The following ECPAS variants were observed in gnomAD, a reference collection of about 807,000 sequenced individuals.
ECPAS encodes the protein Ecm29 proteasome adaptor and scaffold, also known as proteasome adapter and scaffold protein ECM29.
A neutral mutation model predicts 255.1 loss-of-function variants in ECPAS; 70 were observed. The observed-to-expected ratio is 0.27, with a 90% CI of 0.23 to 0.33. The LOEUF (loss-of-function observed/expected upper bound fraction) is 0.33. Among genes scored for constraint, ECPAS ranks in the 10% least tolerant of loss-of-function variants. The pLI is 1.00. For missense variants in ECPAS, 1,817 were observed against 2,206.4 expected, an observed-to-expected ratio of 0.82 and a Z score of 3.54; for synonymous variants, 784 against 775.0, an observed-to-expected ratio of 1.01 and a Z score of -0.19.
intron 13 of ECPAS, among the ~76,000 whole-genome samples, chr9:111,422,584 G>A (rs1171785759): frequency 6.6e-6 from 1 of 152,136 alleles, no homozygotes; most frequent in Non-Finnish European, 1.5e-5. Flanking sequence ...GATCTGGGGT[G>A]GCTTTCTTCC....
At position 111,392,673 on chromosome 9, in the gene ECPAS, C is replaced by T. The variant is rs2098161986; in HGVS notation, c.3092+95G>A. ...TTAGAAAAGGCTTCATAAACCAAAA[C>T]ATGGAAAGCCGAATCTTCCTTCTCC... On this transcript the variant is annotated intron_variant, in intron 28 of 49. Coordinates refer to ENST00000684092, the MANE Select transcript of ECPAS (RefSeq NM_001364929.1). 1.3e-5 allele frequency: 11 copies of T among 824,588 alleles called. No individual in the cohort carries two copies. In the South Asian group the frequency reaches 1.5e-4, roughly 11 times the overall value. 51.1% of individuals were successfully genotyped at this position (824,588 alleles called of 1,614,324 possible).
At chr9:111,426,666 G>C (rs950421380) in intron 10 of ECPAS, among the ~76,000 whole-genome samples, 11 of 150,052 alleles carry the variant, frequency 7.3e-5, no homozygotes, top group Non-Finnish European at 3.0e-5. Context: ...GGCCAGTCTG[G>C]GCAACATAGC....
In ECPAS at chr9:111,369,139, T is replaced by G. The variant is rs766350046; in HGVS notation, c.5009A>C (p.Lys1670Thr). Residue 1670 changes from lysine to threonine, a missense_variant, in exon 46 of 50, where the codon AAA becomes ACA. Coordinates refer to ENST00000684092, the MANE Select transcript of ECPAS (RefSeq NM_001364929.1). ...TTCCTTTTCATTCTCCTCTTCATTT[T>G]TGGTTGTCCGGACCCCACTGCTTTC... Reference protein sequence around the residue: ...SLESSGVRTTKNEEENEKEKE... With the variant: ...SLESSGVRTTTNEEENEKEKE... 6 of 1,606,330 alleles carry G rather than the reference T, an allele frequency of 3.7e-6. No homozygotes were observed. The highest frequency in any genetic ancestry group is 5.1e-6 in the Non-Finnish European group (6 of 1,177,334).
intron 2 of ECPAS, among the ~76,000 whole-genome samples, chr9:111,465,907 C>T (rs935362652): frequency 6.6e-6 from 1 of 151,606 alleles, no homozygotes; most frequent in African/African-American, 2.4e-5. Flanking sequence ...GGTGGTGCGT[C>T]CCTGTAGTGC....
chr9:111,454,558 A>C (rs1179688721), intron 2 of ECPAS, among the ~76,000 whole-genome samples: 1 of 152,134 alleles, frequency 6.6e-6, no homozygotes, highest in Non-Finnish European at 1.5e-5. Flanking sequence ...GGAAAAGGTA[A>C]AGCCTTCTAC....
chr9:111,402,778 T>A (rs1449632496), intron 24 of ECPAS, among the ~76,000 whole-genome samples: 1 of 152,150 alleles, frequency 6.6e-6, no homozygotes, highest in Non-Finnish European at 1.5e-5. Flanking sequence ...TTATATTTTC[T>A]GAACCCCTTA....
intron 47 of ECPAS, 22 bp downstream of exon 47, chr9:111,366,500 A>T: frequency 6.4e-7 from 1 of 1,560,458 alleles, no homozygotes; most frequent in Non-Finnish European, 8.8e-7. Context: ...AAAATAAAAA[A>T]CTGAGCCATG....
In ECPAS at chr9:111,433,342, C is replaced by A. The variant is rs756681214; in HGVS notation, c.739G>T (p.Ala247Ser). ...GCTTCAAGTTCAGGCACCTGTTCAG[C>A]TTCTATGAATTTCACGATTCCCAAT... is the stretch of plus-strand genomic sequence containing the variant. ...CKLGIVKFIEAEQVPELEAVL... is the reference protein window; with the variant it reads ...CKLGIVKFIESEQVPELEAVL... The change falls in exon 8 of 50, where the codon GCT becomes TCT. Residue 247 changes from alanine to serine, a missense_variant. This residue lies in a region of ECPAS where 573 missense variants were observed against 716.2 expected (regional missense o/e 0.80). Coordinates refer to ENST00000684092, the MANE Select transcript of ECPAS (RefSeq NM_001364929.1). 1.9e-6 allele frequency: 3 copies of A among 1,613,988 alleles called. No individual in the cohort carries two copies. In the Admixed American group the frequency reaches 5.0e-5, roughly 27 times the overall value.
intron 1 of ECPAS, among the ~76,000 whole-genome samples, chr9:111,479,277 G>C (rs2098300500): frequency 6.6e-6 from 1 of 152,140 alleles, no homozygotes; most frequent in South Asian, 2.1e-4. Flanking sequence ...GGAGTAATAA[G>C]TACTTAATAC....
chr9:111,421,134 G>A (rs1164217587), intron 15 of ECPAS, among the ~76,000 whole-genome samples: 1 of 152,104 alleles, frequency 6.6e-6, no homozygotes, highest in Non-Finnish European at 1.5e-5. Flanking sequence ...CACACTAAGA[G>A]CACTTGACAA....
At chr9:111,413,738 C>A (rs2098198550) in intron 20 of ECPAS, among the ~76,000 whole-genome samples, 157 bp downstream of exon 20, 1 of 151,916 alleles carries the variant, frequency 6.6e-6, no homozygotes, top group African/African-American at 2.4e-5. Flanking sequence ...GACATAGTGA[C>A]CTACATGCTT....
chr9:111,369,415 T>C (rs902180463), intron 45 of ECPAS, among the ~76,000 whole-genome samples: 12 of 152,196 alleles, frequency 7.9e-5, no homozygotes, highest in Non-Finnish European at 1.5e-4. Context: ...ACTGCATATG[T>C]AGTCTTTTGA....
intron 36 of ECPAS, among the ~76,000 whole-genome samples, chr9:111,377,875 G>C (rs551087737): frequency 6.6e-6 from 1 of 152,136 alleles, no homozygotes; most frequent in Non-Finnish European, 1.5e-5. Context: ...GGCTGGGTGC[G>C]GTGGCTCACG....
At chr9:111,459,026 C>T (rs1356559883) in intron 2 of ECPAS, among the ~76,000 whole-genome samples, 2 of 152,114 alleles carry the variant, frequency 1.3e-5, no homozygotes, top group East Asian at 1.9e-4. Flanking sequence ...GTGAGGGTGG[C>T]TCTGGGATAA....
rs1024932924 is a variant in ECPAS, at chr9:111,437,121, T to G, written c.540-13A>C. On this transcript the variant is annotated splice_polypyrimidine_tract_variant and intron_variant, in intron 6 of 49. Coordinates refer to ENST00000684092, the MANE Select transcript of ECPAS (RefSeq NM_001364929.1). The stretch of plus-strand genomic sequence containing the variant: ...ATTTAACACGTAACTGGAAAGGAAA[T>G]AACACTTTAACCCTCTATAAATACA... 1.9e-6 allele frequency: 3 copies of G among 1,586,146 alleles called. No individual in the cohort carries two copies. In the African/African-American group the frequency reaches 4.1e-5, roughly 22 times the overall value.
At chr9:111,383,931 TTAAAA>T (rs952046332) in intron 34 of ECPAS, among the ~76,000 whole-genome samples, 2 of 150,288 alleles carry the variant, frequency 1.3e-5, no homozygotes, top group African/African-American at 4.9e-5. Flanking sequence ...CAAAAAAAAA[TTAAAA>T]TAAAAAATTA....
chr9:111,372,479 T>G lies in ECPAS; in HGVS notation c.4478A>C (p.Glu1493Ala). 6.2e-7 allele frequency: 1 copy of G among 1,613,932 alleles called. No individual in the cohort carries two copies. Among genetic ancestry groups the G allele is most frequent in the Non-Finnish European group, 8.5e-7 (1 of 1,179,806 alleles). ...GGTCCATAAATTACATTCTTCTTTT[T>G]CGGATTTCTCCTCATCAGCAATTTC... The part of the protein sequence containing the change: ...MHEIADEEKS[E>A]KEECNLWTEV... Residue 1493 changes from glutamate to alanine, a missense_variant, in exon 42 of 50, where the codon GAA (glutamate) becomes GCA (alanine). Glu to Ala is a moderately radical substitution (Grantham distance 107, BLOSUM62 -1). Around this residue, in one of 4 missense-constraint regions of ECPAS, gnomAD observed 960 missense variants for 1,179.0 expected, o/e 0.81. Transcript: ENST00000684092.
chr9:111,425,204 T>G (rs962016589), intron 12 of ECPAS, among the ~76,000 whole-genome samples: 1 of 151,070 alleles, frequency 6.6e-6, no homozygotes, highest in Admixed American at 6.6e-5. Context: ...AAAAAAGATA[T>G]AGTAAGACCT....
At chr9:111,389,828 T>C in intron 30 of ECPAS, 105 bp from the exon 31 acceptor site, 1 of 1,280,882 alleles carries the variant, frequency 7.8e-7, no homozygotes, top group South Asian at 1.5e-5. Context: ...GCCTGATTTA[T>C]TGGTCTTTCC....
Sources: allele counts gnomAD v4.1 joint callset (sites outside exome capture counted in the v4.1 genomes callset), GRCh38; gene constraint gnomAD v4.1.1; regional missense constraint gnomAD v4.1.1; transcripts MANE v1.5; gene names NCBI Gene and HGNC (gene_info 2026-07-23, HGNC 2026-07-21).